The following TRPC5 variants were observed in gnomAD, a reference collection of about 807,000 sequenced individuals.
TRPC5 encodes transient receptor potential cation channel subfamily C member 5.
In TRPC5, 9 loss-of-function variants were observed where a neutral mutation model predicts 56.5. The ratio of observed to expected loss-of-function variants is 0.16; its 90% CI spans 0.10 to 0.28. The LOEUF (loss-of-function observed/expected upper bound fraction) is 0.28, where lower values mean the gene tolerates loss of function less well. TRPC5 is among the 10% of genes least tolerant of loss of function. The pLI is 1.00. For synonymous variants in TRPC5, 282 were observed against 278.5 expected, an observed-to-expected ratio of 1.01 and a Z score of -0.13; for missense variants, 469 against 748.9, an observed-to-expected ratio of 0.63 and a Z score of 4.36.
chrX:112,074,367 T>C (rs1930784906), intron 1 of TRPC5, among the ~76,000 whole-genome samples: 1 of 109,388 alleles, frequency 9.1e-6, no homozygotes. Context: ...CAGCAAACTA[T>C]CGCAAGGACA....
At chrX:112,056,228 G>A (rs775078162) in intron 1 of TRPC5, among the ~76,000 whole-genome samples, 1 of 111,788 alleles carries the variant, frequency 8.9e-6, no homozygotes, top group Non-Finnish European at 1.9e-5. Context: ...CATGCAGTGC[G>A]TGGCCTGCAC....
chrX:111,948,133 C>G (rs1028839246), intron 2 of TRPC5, among the ~76,000 whole-genome samples: 1 of 111,517 alleles, frequency 9.0e-6, no homozygotes, highest in African/African-American at 3.3e-5. Context: ...TTGTTATGTA[C>G]TATTTCTACT....
At chrX:111,863,118 T>G (rs183719778) in intron 3 of TRPC5, among the ~76,000 whole-genome samples, 29 of 111,755 alleles carry the variant, frequency 2.6e-4, no homozygotes, top group African/African-American at 8.8e-4. Flanking sequence ...TCCATTCTAC[T>G]AGGCAATAGC....
At chrX:111,996,578 G>A (rs956113034) in intron 1 of TRPC5, among the ~76,000 whole-genome samples, 12 of 111,109 alleles carry the variant, frequency 1.1e-4, no homozygotes, top group Non-Finnish European at 1.9e-4. Flanking sequence ...TATTGACAGT[G>A]GGGTGTTAAA....
At chrX:112,059,311 A>T (rs1930409851) in intron 1 of TRPC5, among the ~76,000 whole-genome samples, 1 of 111,971 alleles carries the variant, frequency 8.9e-6, no homozygotes, top group Admixed American at 9.4e-5. Flanking sequence ...TATTCTATGC[A>T]CAACACATGG....
chrX:111,879,785 TG>T (rs1924118836), intron 3 of TRPC5, among the ~76,000 whole-genome samples: 2 of 112,721 alleles, frequency 1.8e-5, no homozygotes, highest in African/African-American at 6.4e-5. Context: ...GGTTAAATCA[TG>T]CCAGGGGCAT....
intron 7 of TRPC5, among the ~76,000 whole-genome samples, chrX:111,798,189 C>A (rs376901148): frequency 1.8e-5 from 2 of 111,462 alleles, no homozygotes; most frequent in African/African-American, 6.5e-5. Flanking sequence ...ATACATGGCA[C>A]CATTTGCAGT....
intron 1 of TRPC5, among the ~76,000 whole-genome samples, chrX:111,979,956 C>T (rs1014524741): frequency 9.0e-6 from 1 of 111,326 alleles, no homozygotes; most frequent in Non-Finnish European, 1.9e-5. Flanking sequence ...ATGATCCAGT[C>T]TAAAAATAAC....
intron 7 of TRPC5, among the ~76,000 whole-genome samples, chrX:111,798,867 G>T (rs935190439): frequency 3.6e-5 from 4 of 111,811 alleles, no homozygotes; most frequent in South Asian, 7.5e-4. Flanking sequence ...GCAAAAGGAA[G>T]GTGAAGGATC....
chrX:111,791,996 A>G (rs1946025408), intron 7 of TRPC5, among the ~76,000 whole-genome samples: 1 of 112,367 alleles, frequency 8.9e-6, no homozygotes, highest in Non-Finnish European at 1.9e-5. Flanking sequence ...TACTCTAAAG[A>G]CACATGCACA....
intron 7 of TRPC5, among the ~76,000 whole-genome samples, chrX:111,834,517 G>A (rs1355697147): frequency 2.7e-5 from 3 of 111,195 alleles, no homozygotes; most frequent in African/African-American, 9.8e-5. Context: ...AGTTTTCAGA[G>A]GGAGATGTTT....
chrX:111,894,843 C>T (rs1199525507), intron 3 of TRPC5, among the ~76,000 whole-genome samples: 4 of 111,367 alleles, frequency 3.6e-5, no homozygotes, highest in African/African-American at 1.3e-4. Flanking sequence ...AGAACATTAC[C>T]AGCACCCCAG....
At chrX:111,960,367 G>A (rs773748946) in intron 1 of TRPC5, among the ~76,000 whole-genome samples, 13 of 112,199 alleles carry the variant, frequency 1.2e-4, no homozygotes, top group Non-Finnish European at 2.1e-4. Context: ...ATGTCCAGGG[G>A]AGGTTTGTAT....
At chrX:111,851,363 T>A (rs917560198) in intron 5 of TRPC5, among the ~76,000 whole-genome samples, 1 of 111,586 alleles carries the variant, frequency 9.0e-6, no homozygotes, top group Non-Finnish European at 1.9e-5. Context: ...GAAGTTTAAC[T>A]CAGGCTACAA....
At chrX:112,018,876 T>C (rs1172806319) in intron 1 of TRPC5, among the ~76,000 whole-genome samples, 1 of 111,956 alleles carries the variant, frequency 8.9e-6, no homozygotes, top group Non-Finnish European at 1.9e-5. Context: ...TTCTAGCTGT[T>C]GGCTGGCGAC....
At chrX:112,016,360 A>AGT (rs113555140) in intron 1 of TRPC5, among the ~76,000 whole-genome samples, 6,470 of 102,727 alleles carry the variant, frequency 0.063, 194 homozygotes, top group Middle Eastern at 0.087. Flanking sequence ...GGAAGGTTGG[A>AGT]GTGTGTGTGT....
intron 1 of TRPC5, among the ~76,000 whole-genome samples, chrX:111,960,285 G>A (rs188036816): frequency 8.9e-6 from 1 of 112,146 alleles, no homozygotes; most frequent in African/African-American, 3.2e-5. Context: ...ACTTTCATTT[G>A]AATAATGTAT....
At chrX:111,885,636 T>C (rs1416522233) in intron 3 of TRPC5, among the ~76,000 whole-genome samples, 2 of 110,498 alleles carry the variant, frequency 1.8e-5, no homozygotes, top group Non-Finnish European at 3.8e-5. Flanking sequence ...TTGATTATTA[T>C]GGCATCCACT....
rs1401800718 is a variant in TRPC5 at position 111,776,501 on chromosome X, C to T, written c.2734G>A (p.Ala912Thr). 5.8e-6 allele frequency: 7 copies of T among 1,208,632 alleles called. No individual in the cohort carries two copies. Among genetic ancestry groups the T allele is most frequent in the South Asian group, 3.5e-5 (2 of 56,528 alleles). The change falls in exon 11 of 11, where the codon GCT becomes ACT. Residue 912 changes from alanine to threonine, a missense_variant. Transcript: ENST00000262839. Reference protein sequence around the residue: ...SEVELGEVQGAAQSSECPLAC... With the variant: ...SEVELGEVQGTAQSSECPLAC... ...AGAGGGCATTCACTGCTCTGAGCAG[C>T]GCCCTGGACTTCACCTAATTCTACC...
Sources: gnomAD v4.1 joint callset for allele counts (sites outside exome capture counted in the v4.1 genomes callset) on GRCh38, gnomAD v4.1.1 for gene constraint, MANE v1.5 for transcripts, NCBI Gene and HGNC (gene_info 2026-07-23, HGNC 2026-07-21) for gene names.